PCNT: variants seen among roughly 807,000 people sequenced by gnomAD.
PCNT encodes the protein kendrin.
Under a neutral mutation model 380.4 loss-of-function variants are expected in PCNT, and 319 were observed. The ratio of observed to expected loss-of-function variants is 0.84; its 90% CI spans 0.77 to 0.92. The LOEUF is 0.92. PCNT is among the 40% of genes least tolerant of loss of function. PCNT has a pLI of 0.00. For missense variants in PCNT, 4,400 were observed against 4,255.3 expected (o/e 1.03, Z -0.95); for synonymous variants, 1,845 against 1,735.2 (o/e 1.06, Z -1.57).
chr21:46,331,656 C>T (rs1255660745), intron 2 of PCNT, among the ~76,000 whole-genome samples: 1 of 151,998 alleles, frequency 6.6e-6, no homozygotes, highest in Non-Finnish European at 1.5e-5. Flanking sequence ...GTCCCAGTTA[C>T]TCAGGAGGCT....
chr21:46,395,336 G>C (rs2268523), intron 21 of PCNT, among the ~76,000 whole-genome samples: 101,874 of 152,042 alleles, frequency 0.67, 34,830 homozygotes, highest in African/African-American at 0.79. Flanking sequence ...GTAGCTCACA[G>C]CTGTAATCCC....
chr21:46,325,380 C>T (rs1287832621), intron 1 of PCNT, among the ~76,000 whole-genome samples: 5 of 151,692 alleles, frequency 3.3e-5, no homozygotes, highest in Admixed American at 1.3e-4. Flanking sequence ...GCAGAGCTCC[C>T]AGGAGGGTGG....
At position 46,411,353 on chromosome 21, in the gene PCNT, G is replaced by C; in HGVS notation, c.5280G>C (p.Val1760=). 6.2e-7 allele frequency: 1 copy of C among 1,614,180 alleles called. No homozygotes were observed. The highest frequency in any genetic ancestry group is 8.5e-7 in the Non-Finnish European group (1 of 1,180,050). ...AGCTGTCCCTCATGGGGCCTGTGGTGCACGAAGTCAGCGACAGTCAGGCTG... is the reference window on the plus strand; with the variant it reads ...AGCTGTCCCTCATGGGGCCTGTGGTCCACGAAGTCAGCGACAGTCAGGCTG... The part of the protein sequence containing the change: ...QHELSLMGPV[V]HEVSDSQAGS... Residue 1760 remains valine, a synonymous_variant, in exon 28 of 47, where the codon GTG becomes GTC. Coordinates refer to ENST00000359568, the MANE Select transcript of PCNT (RefSeq NM_006031.6).
At chr21:46,418,448 G>A (rs560521637) in intron 31 of PCNT, 142 bp downstream of exon 31, 20 of 672,654 alleles carry the variant, frequency 3.0e-5, no homozygotes, top group South Asian at 5.1e-5. Flanking sequence ...TTTGTCGGGC[G>A]TGCACCTGGG....
chr21:46,377,625 G>A (rs2085371148), intron 15 of PCNT, among the ~76,000 whole-genome samples: 1 of 152,034 alleles, frequency 6.6e-6, no homozygotes, highest in South Asian at 2.1e-4. Context: ...AGCACCTTGG[G>A]AGGCTGAGGC....
At chr21:46,408,424 A>G (rs1342551956) in intron 27 of PCNT, among the ~76,000 whole-genome samples, 3 of 152,266 alleles carry the variant, frequency 2.0e-5, no homozygotes, top group South Asian at 4.1e-4. Context: ...CTTAAACTGA[A>G]TGCATGGCTG....
chr21:46,360,074 C>T (rs1331672659), intron 13 of PCNT, among the ~76,000 whole-genome samples: 1 of 151,794 alleles, frequency 6.6e-6, no homozygotes, highest in East Asian at 1.9e-4. Context: ...CCAGGCTGGT[C>T]TCAAGCTCTT....
At chr21:46,364,385 G>T (rs1233350093) in intron 14 of PCNT, among the ~76,000 whole-genome samples, 1 of 152,244 alleles carries the variant, frequency 6.6e-6, no homozygotes, top group Non-Finnish European at 1.5e-5. Context: ...GGACGGGCAG[G>T]CTGGCAGCTG....
chr21:46,350,329 A>C (rs1013333126), intron 8 of PCNT, among the ~76,000 whole-genome samples: 1 of 152,242 alleles, frequency 6.6e-6, no homozygotes, highest in Non-Finnish European at 1.5e-5. Flanking sequence ...TCCCTGAGAC[A>C]GTTACACAAA....
At chr21:46,397,637 C>G (rs984440531) in intron 22 of PCNT, 143 bp downstream of exon 22, 19 of 733,568 alleles carry the variant, frequency 2.6e-5, no homozygotes, top group Non-Finnish European at 4.0e-5. Context: ...GCACCCAGGT[C>G]GCTGACTCTT....
chr21:46,435,688 G>A (rs990057944), intron 38 of PCNT, among the ~76,000 whole-genome samples: 32 of 151,878 alleles, frequency 2.1e-4, no homozygotes, highest in Non-Finnish European at 2.8e-4. Context: ...GACTACAGGC[G>A]CCCGCCACCA....
chr21:46,352,529 C>A (rs892506593), intron 9 of PCNT, among the ~76,000 whole-genome samples: 10 of 152,196 alleles, frequency 6.6e-5, no homozygotes, highest in African/African-American at 2.4e-4. Context: ...GTGCCCGTTG[C>A]TGGCTGTCAG....
At chr21:46,402,617 T>C (rs1423156332) in intron 27 of PCNT, 134 bp downstream of exon 27, 14 of 898,386 alleles carry the variant, frequency 1.6e-5, no homozygotes, top group Non-Finnish European at 2.5e-5. Context: ...TGGCAGACAG[T>C]GCAGAGAGCG....
At chr21:46,410,616 C>T (rs777094683) in intron 27 of PCNT, among the ~76,000 whole-genome samples, 49 of 152,170 alleles carry the variant, frequency 3.2e-4, no homozygotes, top group Non-Finnish European at 1.0e-4. Flanking sequence ...TGGAAACAAT[C>T]GTATTTCCTT....
At chr21:46,437,432 T>C (rs2053491699) in intron 40 of PCNT, among the ~76,000 whole-genome samples, 1 of 152,306 alleles carries the variant, frequency 6.6e-6, no homozygotes, top group Admixed American at 6.5e-5. Flanking sequence ...CCTGGACACA[T>C]TGCAGGTCGC....
Position 46,416,320 on chromosome 21 carries a change from C to T in PCNT, c.6402C>T (p.Ala2134=). 1.2e-6 allele frequency: 2 copies of T among 1,613,924 alleles called. No homozygotes were observed. Among genetic ancestry groups the T allele is most frequent in the Non-Finnish European group, 1.7e-6 (2 of 1,179,904 alleles). Residue 2134 remains alanine (A), a synonymous_variant, in exon 30 of 47, where the codon GCC becomes GCT. Transcript: ENST00000359568. ...TAGACACATGTGATGCCAATACAGC[C>T]ACGGGGGGTGTAACTGATGTTATCA... The part of the protein sequence containing the change: ...PHIDTCDANT[A]TGGVTDVIKN...
intron 37 of PCNT, chr21:46,430,900 C>A (rs1477469182): frequency 3.0e-6 from 3 of 985,454 alleles, no homozygotes; most frequent in South Asian, 4.7e-5. Flanking sequence ...GGAGCCCCCC[C>A]CCGTCCCTGA....
At chr21:46,443,789 T>G (rs752450226) in intron 44 of PCNT, 21 bp from the exon 45 acceptor site, 22 of 1,613,066 alleles carry the variant, frequency 1.4e-5, no homozygotes, top group East Asian at 2.2e-5. Flanking sequence ...ATCCCTTGGT[T>G]GTTAAATAAT....
chr21:46,331,880 C>T (rs1191559246), intron 2 of PCNT, among the ~76,000 whole-genome samples: 2 of 152,186 alleles, frequency 1.3e-5, no homozygotes, highest in Non-Finnish European at 2.9e-5. Flanking sequence ...AACCATCTGG[C>T]GGGACGCATT....
Sources: gnomAD v4.1 joint callset for allele counts (sites outside exome capture counted in the v4.1 genomes callset) on GRCh38, gnomAD v4.1.1 for gene constraint, MANE v1.5 for transcripts, NCBI Gene and HGNC (gene_info 2026-07-23, HGNC 2026-07-21) for gene names.